SLC35B1: variants seen among roughly 807,000 people sequenced by gnomAD.
SLC35B1 encodes the protein ATP/ADP exchanger ER.
Under a neutral mutation model 36.6 loss-of-function variants are expected in SLC35B1, and 27 were observed. That is an observed-to-expected ratio of 0.74 (90% CI 0.54 to 1.02). The LOEUF (loss-of-function observed/expected upper bound fraction) is 1.02, where lower values mean the gene tolerates loss of function less well. Among genes scored for constraint, SLC35B1 ranks in the 50% least tolerant of loss-of-function variants. The probability of loss-of-function intolerance (pLI) is 0.00; values close to 1 mark genes in which losing one functional copy is unlikely to be tolerated. For missense variants in SLC35B1, 321 were observed against 383.2 expected, an observed-to-expected ratio of 0.84 and a Z score of 1.35; for synonymous variants, 162 against 152.5, an observed-to-expected ratio of 1.06 and a Z score of -0.46.
chr17:49,704,214 T>C lies in SLC35B1; in HGVS notation c.541A>G (p.Thr181Ala), dbSNP rs926936637. The change falls in exon 6 of 9, where the codon ACC (threonine) becomes GCC (alanine). Residue 181 changes from threonine to alanine, a missense_variant. Physicochemically the swap from Thr to Ala is moderately conservative, Grantham distance 58. Coordinates refer to ENST00000240333, the MANE Select transcript of SLC35B1 (RefSeq NM_005827.4). ...YGELLLLLSL[T>A]LDGLTGVSQD... ...GAAACACCAGTCAGTCCATCCAGGG[T>C]CAGCGATAATAGCTGGGAAAGAAAG... The C allele has an allele frequency of 3.1e-6, 5 of 1,613,566 alleles. No homozygotes were observed. The highest frequency in any genetic ancestry group is 4.2e-6 in the Non-Finnish European group (5 of 1,179,944).
Position 49,701,396 on chromosome 17 carries a change from G to C in SLC35B1, c.*62C>G. Reference sequence around the variant, plus strand: ...ATTCCTATTAAGTCCATTTTCCCAAGAGATGTCACTGTTTGAGATAATAAC... The same window carrying C: ...ATTCCTATTAAGTCCATTTTCCCAACAGATGTCACTGTTTGAGATAATAAC... On this transcript the variant is annotated 3_prime_UTR_variant, in exon 9 of 9. Transcript: ENST00000240333. 7.6e-7 allele frequency: 1 copy of C among 1,320,416 alleles called. No individual in the cohort carries two copies. Among genetic ancestry groups the C allele is most frequent in the Non-Finnish European group, 1.1e-6 (1 of 914,884 alleles). The allele number at this position is 1,320,416 out of a possible 1,614,324, so 81.8% of individuals were successfully genotyped here. A position where few individuals can be genotyped will look rare whatever the true frequency, so the allele number is the denominator to read the frequency against.
intron 5 of SLC35B1, 137 bp from the exon 6 acceptor site, chr17:49,704,363 G>A: frequency 9.1e-7 from 1 of 1,100,672 alleles, no homozygotes; most frequent in Non-Finnish European, 1.3e-6. Context: ...TTGCCATTTG[G>A]TCACAGGTGG....
chr17:49,707,677 A>G, intron 1 of SLC35B1, 53 bp downstream of exon 1: 1 of 1,581,794 alleles, frequency 6.3e-7, no homozygotes, highest in Non-Finnish European at 8.6e-7. Context: ...AAGGCCCGGG[A>G]TCCCTGTCAC....
In SLC35B1 at chr17:49,701,430, TC is replaced by T; in HGVS notation, c.*27del. 6.3e-7 allele frequency: 1 copy of T among 1,579,960 alleles called. No homozygotes were observed. Among genetic ancestry groups the T allele is most frequent in the Non-Finnish European group, 8.7e-7 (1 of 1,149,166 alleles). On this transcript the variant is annotated 3_prime_UTR_variant, in exon 9 of 9. Transcript: ENST00000240333. ...CTGTTTGAGATAATAACTTAAATAT[TC>T]TTGATGTGGAGGTAGTCTCTCTCTT...
In SLC35B1 at chr17:49,706,346, C is replaced by CAAAAAAAAAA. The variant is rs61136804; in HGVS notation, c.209-22_209-13dup. On this transcript the variant is annotated splice_polypyrimidine_tract_variant and intron_variant, in intron 2 of 8. Transcript: ENST00000240333. ...AAAAAACTGGATCACTGGGAGAAGA[C>CAAAAAAAAAA]AAAAAAAAAAAAAAAAAAAGAAAAG... 247 of 733,560 alleles carry CAAAAAAAAAA rather than the reference C, an allele frequency of 3.4e-4. No individual in the cohort carries two copies. The highest frequency in any genetic ancestry group is 1.4e-3 in the South Asian group (30 of 21,782). 45.4% of individuals were successfully genotyped at this position (733,560 alleles called of 1,614,324 possible). A position where few individuals can be genotyped will look rare whatever the true frequency, so the allele number is the denominator to read the frequency against.
At chr17:49,706,356 A>AAAAAAAAAG (rs2073419001) in intron 2 of SLC35B1, 22 bp from the exon 3 acceptor site, 7 of 1,375,268 alleles carry the variant, frequency 5.1e-6, no homozygotes, top group Admixed American at 3.1e-5. Flanking sequence ...CAAAAAAAAA[A>AAAAAAAAAG]AAAAAAAAAG....
At position 49,703,854 on chromosome 17, in the gene SLC35B1, TTAC is replaced by T. The variant is rs2073382407; in HGVS notation, c.655+243_655+245del. Reference sequence around the variant, plus strand: ...AAGTTCCCAGGTACCTCCCTGTGTTTTACTACTGAGTGTCTTCCCATGACAACT... The same window carrying T: ...AAGTTCCCAGGTACCTCCCTGTGTTTTACTGAGTGTCTTCCCATGACAACT... On this transcript the variant is annotated intron_variant, in intron 6 of 8. Coordinates refer to ENST00000240333, the MANE Select transcript of SLC35B1 (RefSeq NM_005827.4). 4 of 469,510 alleles carry T rather than the reference TTAC, an allele frequency of 8.5e-6. No homozygotes were observed. The East Asian group carries it at 1.7e-4, about 20-fold the overall frequency. 29.1% of individuals were successfully genotyped at this position (469,510 alleles called of 1,614,324 possible).
rs1567821925 is a variant in SLC35B1, at chr17:49,707,539, G to A, written c.104+191C>T. ...AGAAAAGAAAATAACCAAGTCCGAA[G>A]AATCCAGAAAATAATCCTGGAGTTC... is the stretch of plus-strand genomic sequence containing the variant. On this transcript the variant is annotated intron_variant, in intron 1 of 8. Transcript: ENST00000240333. 6.4e-5 allele frequency: 96 copies of A among 1,489,890 alleles called. 3 individuals are homozygous for A. The South Asian group carries it at 8.8e-4, about 14-fold the overall frequency. 92.3% of individuals were successfully genotyped at this position (1,489,890 alleles called of 1,614,324 possible). A position where few individuals can be genotyped will look rare whatever the true frequency, so the allele number is the denominator to read the frequency against.
chr17:49,706,102 C>CTTT lies in SLC35B1; in HGVS notation c.339+99_339+101dup, dbSNP rs558001093. 4,026 of 834,820 alleles carry CTTT rather than the reference C, an allele frequency of 4.8e-3. 7 individuals are homozygous for CTTT. The highest frequency in any genetic ancestry group is 7.0e-3 in the Middle Eastern group (19 of 2,698). 51.7% of individuals were successfully genotyped at this position (834,820 alleles called of 1,614,324 possible). ...TCCCAATGTCTTACAGGACCGTTATCTTTTTTTTTTTTTTTTTTTTAACTC... is the reference window on the plus strand; with the variant it reads ...TCCCAATGTCTTACAGGACCGTTATCTTTTTTTTTTTTTTTTTTTTTTTAACTC... On this transcript the variant is annotated intron_variant, in intron 3 of 8. Coordinates refer to ENST00000240333, the MANE Select transcript of SLC35B1 (RefSeq NM_005827.4).
In SLC35B1 at chr17:49,704,095, C is replaced by T. The variant is rs1173048303; in HGVS notation, c.655+5G>A. ...CATGGGAAGAACAGCAGAACTGGCT[C>T]TCACCCATTCCCAGCAGCAATGTCG... On this transcript the variant is annotated splice_donor_5th_base_variant and intron_variant, in intron 6 of 8. Transcript: ENST00000240333. 6.2e-7 allele frequency: 1 copy of T among 1,614,062 alleles called. No homozygotes were observed. Among genetic ancestry groups the T allele is most frequent in the South Asian group, 1.1e-5 (1 of 91,078 alleles).
Position 49,706,346 on chromosome 17 carries a change from C to CAAAAAAAAAAAAAAAAAGAAAAAAAAA in SLC35B1, c.209-13_209-12insTTTTTTTTTCTTTTTTTTTTTTTTTTT. 1 of 732,216 alleles carries CAAAAAAAAAAAAAAAAAGAAAAAAAAA rather than the reference C, an allele frequency of 1.4e-6. No individual in the cohort carries two copies. Among genetic ancestry groups the CAAAAAAAAAAAAAAAAAGAAAAAAAAA allele is most frequent in the Non-Finnish European group, 1.7e-6 (1 of 600,898 alleles). The allele number at this position is 732,216 out of a possible 1,614,324, so 45.4% of individuals were successfully genotyped here. A position where few individuals can be genotyped will look rare whatever the true frequency, so the allele number is the denominator to read the frequency against. On this transcript the variant is annotated splice_polypyrimidine_tract_variant and intron_variant, in intron 2 of 8. Coordinates refer to ENST00000240333, the MANE Select transcript of SLC35B1 (RefSeq NM_005827.4). ...AAAAAACTGGATCACTGGGAGAAGA[C>CAAAAAAAAAAAAAAAAAGAAAAAAAAA]AAAAAAAAAAAAAAAAAAAGAAAAG...
At chr17:49,701,563 C>A in intron 8 of SLC35B1, 53 bp from the exon 9 acceptor site, 1 of 1,517,130 alleles carries the variant, frequency 6.6e-7, no homozygotes, top group Non-Finnish European at 9.2e-7. Context: ...TGAAACTTAC[C>A]AATGATTGTG....
intron 3 of SLC35B1, 45 bp downstream of exon 3, chr17:49,706,159 T>C: frequency 1.3e-6 from 2 of 1,558,098 alleles, no homozygotes; most frequent in Non-Finnish European, 1.7e-6. Context: ...TTAGTCCTTT[T>C]CAAATGATAT....
rs750325071 is a variant in SLC35B1 at position 49,702,838 on chromosome 17, GTC to G, written c.916+18_916+19del. 1.9e-5 allele frequency: 30 copies of G among 1,607,042 alleles called. No individual in the cohort carries two copies. Among genetic ancestry groups the G allele is most frequent in the Non-Finnish European group, 2.6e-5 (30 of 1,174,704 alleles). On this transcript the variant is annotated intron_variant, in intron 8 of 8. Transcript: ENST00000240333. Reference sequence around the variant, plus strand: ...GGAGAAAAAATTCAGCTGTCACTGTGTCTCTGTGTGGCCACTTACCCAGGAAC... The same window carrying G: ...GGAGAAAAAATTCAGCTGTCACTGTGTCTGTGTGGCCACTTACCCAGGAAC...
chr17:49,703,751 A>C, intron 6 of SLC35B1: 1 of 337,964 alleles, frequency 3.0e-6, no homozygotes, highest in Non-Finnish European at 5.7e-6. Flanking sequence ...AATCATTCAC[A>C]TTTGAACTGT....
At position 49,706,950 on chromosome 17, in the gene SLC35B1, T is replaced by C. The variant is rs1406487081; in HGVS notation, c.208+15A>G. 1.3e-6 allele frequency: 2 copies of C among 1,591,108 alleles called. No individual in the cohort carries two copies. The highest frequency in any genetic ancestry group is 3.3e-5 in the Admixed American group (2 of 59,960). ...GGTGGTGGGGTACCCAACAAATTAC[T>C]ATCTGGGTACTCACAGATCTTGGCA... On this transcript the variant is annotated intron_variant, in intron 2 of 8. Transcript: ENST00000240333.
intron 4 of SLC35B1, 37 bp downstream of exon 4, chr17:49,705,829 G>C: frequency 6.2e-7 from 1 of 1,605,782 alleles, no homozygotes; most frequent in East Asian, 2.2e-5. Context: ...TATAGGAAGA[G>C]TGACGACAGA....
rs916079171 is a variant in SLC35B1 at position 49,704,747 on chromosome 17, G to A, written c.528+377C>T. 9.9e-5 allele frequency among the ~76,000 whole-genome samples: 15 copies of A among 152,086 alleles called. 1 individual carries two copies. The highest frequency in any genetic ancestry group is 6.2e-4 in the South Asian group (3 of 4,826). On this transcript the variant is annotated intron_variant, in intron 5 of 8. Transcript: ENST00000240333. ...TAGTCAATTAACATGTAAAACACTC[G>A]GAACAGTGCCTAATGCATACATACC...
At chr17:49,706,522 T>C (rs2073422304) in intron 2 of SLC35B1, among the ~76,000 whole-genome samples, 188 bp from the exon 3 acceptor site, 1 of 152,128 alleles carries the variant, frequency 6.6e-6, no homozygotes, top group East Asian at 1.9e-4. Context: ...AAATTATTCA[T>C]CTTTCCAATT....
Sources: allele counts gnomAD v4.1 joint callset (sites outside exome capture counted in the v4.1 genomes callset), GRCh38; gene constraint gnomAD v4.1.1; transcripts MANE v1.5; gene names NCBI Gene and HGNC (gene_info 2026-07-23, HGNC 2026-07-21).